Variants in MAGEC3 observed in about 807,000 individuals in gnomAD.
MAGEC3 encodes melanoma-associated antigen C3.
MAGEC3 carries 34 observed loss-of-function variants against 35.3 expected under a neutral mutation model. That is an observed-to-expected ratio of 0.96 (90% CI 0.73 to 1.28). The LOEUF (loss-of-function observed/expected upper bound fraction) is 1.28. MAGEC3 is among the 50% of genes most tolerant of loss of function. The pLI is 0.00. For missense variants in MAGEC3, 561 were observed against 483.6 expected, an observed-to-expected ratio of 1.16 and a Z score of -1.50; for synonymous variants, 202 against 185.6, an observed-to-expected ratio of 1.09 and a Z score of -0.72.
intron 1 of MAGEC3, among the ~76,000 whole-genome samples, chrX:141,863,100 G>T (rs969160538): frequency 6.3e-5 from 7 of 111,728 alleles, no homozygotes; most frequent in Non-Finnish European, 1.1e-4. Context: ...ACTTAAAAAT[G>T]ATTCTTAAAA....
chrX:141,879,144 G>A lies in MAGEC3; in HGVS notation c.259-31G>A, dbSNP rs756769178. 9 of 1,147,975 alleles carry A rather than the reference G, an allele frequency of 7.8e-6. No individual in the cohort carries two copies. The Admixed American group carries it at 2.4e-4, about 30-fold the overall frequency. The allele number at this position is 1,147,975 out of a possible 1,213,427, so 94.6% of individuals were successfully genotyped here. ...GAAGGGAACACCCATGACTGGTAGT[G>A]CCCCTCCCCTGTCCCTGTGCCTGCT... On this transcript the variant is annotated intron_variant, in intron 2 of 7. Transcript: ENST00000298296.
chrX:141,865,412 T>G, intron 1 of MAGEC3, 59 bp from the exon 2 acceptor site: 3 of 1,104,239 alleles, frequency 2.7e-6, no homozygotes, highest in East Asian at 3.2e-5. Flanking sequence ...GAGTAGATCT[T>G]CCATCACAGG....
intron 4 of MAGEC3, among the ~76,000 whole-genome samples, chrX:141,891,326 A>T (rs1461942227): frequency 9.0e-6 from 1 of 111,690 alleles, no homozygotes; most frequent in Non-Finnish European, 1.9e-5. Context: ...CACCCTGCCA[A>T]CTAAAATCAG....
chrX:141,860,887 A>C (rs1270376530), intron 1 of MAGEC3, among the ~76,000 whole-genome samples: 2 of 111,632 alleles, frequency 1.8e-5, no homozygotes, highest in African/African-American at 6.5e-5. Context: ...TGATGGTTGC[A>C]TAACAATGTG....
chrX:141,894,318 TATA>T (rs753862577), intron 4 of MAGEC3, among the ~76,000 whole-genome samples: 11 of 112,078 alleles, frequency 9.8e-5, no homozygotes, highest in East Asian at 5.6e-4. Context: ...TAATAAAAAT[TATA>T]ATAAAAATTA....
At chrX:141,896,777 C>T in intron 6 of MAGEC3, 105 bp from the exon 7 acceptor site, 2 of 1,207,100 alleles carry the variant, frequency 1.7e-6, no homozygotes, top group Non-Finnish European at 1.1e-6. Context: ...GCCTCCTCCA[C>T]TTCCTCTTCC....
chrX:141,840,731 C>T (rs1342819174), intron 1 of MAGEC3, among the ~76,000 whole-genome samples: 1 of 109,906 alleles, frequency 9.1e-6, no homozygotes, highest in Non-Finnish European at 1.9e-5. Context: ...CATGAGTCCT[C>T]CTGCAAAATT....
chrX:141,894,113 A>G (rs769644217), intron 4 of MAGEC3, among the ~76,000 whole-genome samples: 8 of 111,842 alleles, frequency 7.2e-5, no homozygotes, highest in Admixed American at 1.9e-4. Context: ...AACTATATGA[A>G]CTGCAAACAG....
intron 2 of MAGEC3, among the ~76,000 whole-genome samples, chrX:141,866,448 A>AAAC (rs2017849718): frequency 1.8e-5 from 2 of 112,439 alleles, no homozygotes; most frequent in Admixed American, 9.4e-5. Flanking sequence ...GTAGAAAAAC[A>AAAC]AACAATATCA....
intron 1 of MAGEC3, chrX:141,838,827 A>G: frequency 5.3e-6 from 4 of 753,481 alleles, no homozygotes; most frequent in Non-Finnish European, 6.3e-6. Context: ...ACTGATGCCT[A>G]TGTCCCTGGG....
chrX:141,846,379 C>A (rs567607174), intron 1 of MAGEC3, among the ~76,000 whole-genome samples: 4 of 109,797 alleles, frequency 3.6e-5, no homozygotes, highest in African/African-American at 1.3e-4. Flanking sequence ...TAACAACAGG[C>A]GAGTTGCTAC....
At chrX:141,895,182 G>A (rs928921297) in intron 4 of MAGEC3, 87 bp from the exon 5 acceptor site, 3 of 1,031,112 alleles carry the variant, frequency 2.9e-6, no homozygotes, top group Non-Finnish European at 4.0e-6. Context: ...CGGGGAAGTG[G>A]TCAGGAAAAG....
At chrX:141,860,913 A>G (rs142215635) in intron 1 of MAGEC3, among the ~76,000 whole-genome samples, 4,965 of 111,625 alleles carry the variant, frequency 0.044, 306 homozygotes, top group African/African-American at 0.15. Context: ...ACTTAGTGCC[A>G]TGGAACTGTA....
At chrX:141,856,636 C>T (rs1303013696) in intron 1 of MAGEC3, among the ~76,000 whole-genome samples, 1 of 111,051 alleles carries the variant, frequency 9.0e-6, no homozygotes, top group Non-Finnish European at 1.9e-5. Flanking sequence ...TCACGATAGC[C>T]AACATGTGGA....
At chrX:141,896,641 A>G in intron 6 of MAGEC3, 1 of 1,203,933 alleles carries the variant, frequency 8.3e-7, no homozygotes, top group South Asian at 1.8e-5. Flanking sequence ...CTGCTCCTGA[A>G]CAACAGGCCT....
At chrX:141,847,210 A>G (rs911076875) in intron 1 of MAGEC3, among the ~76,000 whole-genome samples, 1 of 110,915 alleles carries the variant, frequency 9.0e-6, no homozygotes, top group African/African-American at 3.3e-5. Context: ...CTGTTGCATG[A>G]GAGGAGAACA....
At chrX:141,866,478 A>C (rs924696455) in intron 2 of MAGEC3, among the ~76,000 whole-genome samples, 1 of 112,369 alleles carries the variant, frequency 8.9e-6, no homozygotes, top group African/African-American at 3.2e-5. Flanking sequence ...GACAATGTGA[A>C]AAAACAAAAA....
At chrX:141,880,202 T>C (rs973862744) in intron 3 of MAGEC3, among the ~76,000 whole-genome samples, 4 of 111,493 alleles carry the variant, frequency 3.6e-5, no homozygotes, top group Admixed American at 9.5e-5. Context: ...AGGAGTCACA[T>C]GTGCATCAGA....
intron 1 of MAGEC3, among the ~76,000 whole-genome samples, chrX:141,860,865 A>G (rs1194861519): frequency 9.0e-6 from 1 of 111,484 alleles, no homozygotes; most frequent in East Asian, 2.8e-4. Flanking sequence ...TGGTTCTGGA[A>G]GTGGATGGTG....
Sources: gnomAD v4.1 joint callset for allele counts (sites outside exome capture counted in the v4.1 genomes callset) on GRCh38, gnomAD v4.1.1 for gene constraint, MANE v1.5 for transcripts, NCBI Gene and HGNC (gene_info 2026-07-23, HGNC 2026-07-21) for gene names.